Variants in CCNL2 observed in about 807,000 individuals in gnomAD.
CCNL2 encodes cyclin L2.
In CCNL2, 28 loss-of-function variants were observed where a neutral mutation model predicts 59.1. The observed-to-expected ratio is 0.47, with a 90% CI of 0.35 to 0.65. The LOEUF (loss-of-function observed/expected upper bound fraction) is 0.65, where lower values mean the gene tolerates loss of function less well. CCNL2 is among the 30% of genes least tolerant of loss of function. CCNL2 has a pLI of 0.00. For missense variants in CCNL2, 714 were observed against 717.4 expected, an observed-to-expected ratio of 1.00 and a Z score of 0.05; for synonymous variants, 342 against 288.6, an observed-to-expected ratio of 1.19 and a Z score of -1.88.
intron 5 of CCNL2, chr1:1,393,011 G>A (rs1465961193): frequency 1.6e-6 from 1 of 624,620 alleles, no homozygotes; most frequent in African/African-American, 1.8e-5. Context: ...ATCGGCCCCA[G>A]AACCTTCTCT....
chr1:1,396,192 A>G (rs1285218343), intron 3 of CCNL2, among the ~76,000 whole-genome samples: 5 of 104,444 alleles, frequency 4.8e-5, no homozygotes, highest in African/African-American at 2.4e-4. Flanking sequence ...CCGTCTCAGA[A>G]AAAAAAAAAA....
chr1:1,393,960 CT>C (rs1201754342), intron 4 of CCNL2, among the ~76,000 whole-genome samples: 2 of 152,048 alleles, frequency 1.3e-5, no homozygotes, highest in Admixed American at 1.3e-4. Flanking sequence ...AACCCAGTCT[CT>C]ACTAAAAATA....
chr1:1,387,368 G>A lies in CCNL2; in HGVS notation c.1426C>T (p.Arg476Trp), dbSNP rs369070554. The A allele has an allele frequency of 2.3e-5, 37 of 1,614,042 alleles. No individual in the cohort carries two copies. The highest frequency in any genetic ancestry group is 1.6e-4 in the Middle Eastern group (1 of 6,084). Residue 476 changes from arginine (R) to tryptophan (W), a missense_variant, in exon 11 of 11, where the codon CGG becomes TGG. By Grantham distance (101) the Arg-to-Trp change is moderately radical (BLOSUM62 -3). Around this residue, in one of 5 missense-constraint regions of CCNL2, gnomAD observed 403 missense variants for 377.7 expected, o/e 1.07. Transcript: ENST00000400809. ...TTGTATTTTCCCGGATTATCCGCCC[G>A]CTCCCGTGACCTGCTTCGAGAACGG... ...SSRSRSRSRE[R>W]ADNPGKYKKK...
chr1:1,393,694 G>A (rs1459041049), intron 4 of CCNL2, among the ~76,000 whole-genome samples: 3 of 152,230 alleles, frequency 2.0e-5, no homozygotes, highest in African/African-American at 4.8e-5. Context: ...CCACGGCACA[G>A]GCCTCGTTCT....
At chr1:1,397,854 C>G (rs1397154456) in intron 3 of CCNL2, among the ~76,000 whole-genome samples, 1 of 152,130 alleles carries the variant, frequency 6.6e-6, no homozygotes, top group Non-Finnish European at 1.5e-5. Context: ...AACAGGAAAC[C>G]TGTCTCAGGA....
Position 1,387,182 on chromosome 1 carries a change from G to A in CCNL2, c.*49C>T. On this transcript the variant is annotated 3_prime_UTR_variant, in exon 11 of 11. Transcript: ENST00000400809. ...ACCGGGGGTCAAAGGGCAGCCATCA[G>A]GTACTCCCCAGGGAAGGGCTTGCGG... 2.0e-6 allele frequency: 3 copies of A among 1,490,106 alleles called. No homozygotes were observed. The highest frequency in any genetic ancestry group is 1.4e-5 in the African/African-American group (1 of 72,898). 92.3% of individuals were successfully genotyped at this position (1,490,106 alleles called of 1,614,324 possible).
At chr1:1,393,596 G>A (rs1425534777) in intron 4 of CCNL2, 136 bp from the exon 5 acceptor site, 12 of 740,910 alleles carry the variant, frequency 1.6e-5, no homozygotes, top group African/African-American at 7.0e-5. Flanking sequence ...TCTGGCGGAC[G>A]GCTCAGCTGG....
intron 6 of CCNL2, 51 bp from the exon 7 acceptor site, chr1:1,390,614 G>C (rs1346249517): frequency 6.5e-7 from 1 of 1,529,680 alleles, no homozygotes; most frequent in East Asian, 2.3e-5. Flanking sequence ...TTCACGGCCA[G>C]CAAGACTCAG....
chr1:1,390,180 C>A, intron 8 of CCNL2, 50 bp downstream of exon 8: 2 of 1,539,840 alleles, frequency 1.3e-6, no homozygotes, highest in Non-Finnish European at 1.8e-6. Context: ...GGGAGAGTCA[C>A]CAGTCTTTGC....
At position 1,390,237 on chromosome 1, in the gene CCNL2, G is replaced by A; in HGVS notation, c.999C>T (p.Pro333=). 6.2e-7 allele frequency: 1 copy of A among 1,606,738 alleles called. No homozygotes were observed. ...GCACTCTAACAGACTCACCCAGCTT[G>A]GGGGCAGGAGAGAACCCCGAGGTAC... The part of the protein sequence containing the change: ...LDGTSGFSPA[P]KLVESPKEGK... The change falls in exon 8 of 11, where the codon CCC becomes CCT. Residue 333 remains proline, a synonymous_variant. Coordinates refer to ENST00000400809, the MANE Select transcript of CCNL2 (RefSeq NM_030937.6).
chr1:1,388,580 T>G (rs905518056), intron 8 of CCNL2: 3 of 412,070 alleles, frequency 7.3e-6, no homozygotes, highest in African/African-American at 4.6e-5. Context: ...TCTCTCTCTC[T>G]CTCTATATAT....
In CCNL2 at chr1:1,390,363, G is replaced by A; in HGVS notation, c.873C>T (p.Leu291=). 1 of 1,612,794 alleles carries A rather than the reference G, an allele frequency of 6.2e-7. No individual in the cohort carries two copies. The highest frequency in any genetic ancestry group is 8.5e-7 in the Non-Finnish European group (1 of 1,178,892). ...LQLYARKKVD[L]THLEGEVEKR... ...TTTCCACTTCACCCTCCAGGTGTGT[G>A]AGATCAACCTGCAAAAGCCAGAAGG... The change falls in exon 8 of 11, where the codon CTC becomes CTT. Residue 291 remains leucine, a synonymous_variant. Transcript: ENST00000400809.
At chr1:1,397,068 G>A (rs1450403041) in intron 3 of CCNL2, among the ~76,000 whole-genome samples, 1 of 152,032 alleles carries the variant, frequency 6.6e-6, no homozygotes, top group African/African-American at 2.4e-5. Context: ...TCTTAATAGG[G>A]ACAGGGTTTC....
chr1:1,397,466 A>AT (rs1341769671), intron 3 of CCNL2, among the ~76,000 whole-genome samples: 1 of 152,094 alleles, frequency 6.6e-6, no homozygotes, highest in Non-Finnish European at 1.5e-5. Context: ...GTATGAGAGA[A>AT]TTTCTGGCTG....
chr1:1,390,277 G>A lies in CCNL2; in HGVS notation c.959C>T (p.Thr320Ile), dbSNP rs372064998. Residue 320 changes from threonine (T) to isoleucine (I), a missense_variant, in exon 8 of 11, where the codon ACA (threonine) becomes ATA (isoleucine). This residue lies in a region of CCNL2 where 403 missense variants were observed against 377.7 expected (regional missense o/e 1.07). Transcript: ENST00000400809. The part of the protein sequence containing the change: ...AQARGLLPGG[T>I]QVLDGTSGFS... ...CCCCGAGGTACCATCCAGCACCTGT[G>A]TGCCCCCAGGCAACAGGCCCCGGGC... 8.2e-5 allele frequency: 133 copies of A among 1,613,754 alleles called. No homozygotes were observed. The highest frequency in any genetic ancestry group is 1.1e-4 in the Non-Finnish European group (126 of 1,179,812).
intron 5 of CCNL2, chr1:1,393,025 C>T (rs1644833426): frequency 1.6e-6 from 1 of 613,464 alleles, no homozygotes; most frequent in Admixed American, 2.8e-5. Context: ...CTTCTCTGCC[C>T]CTCTCCCATG....
At chr1:1,388,727 C>T (rs534414189) in intron 8 of CCNL2, 84 of 394,084 alleles carry the variant, frequency 2.1e-4, no homozygotes, top group African/African-American at 1.7e-3. Context: ...TCCCAGATAG[C>T]GCCACTGCAC....
intron 4 of CCNL2, among the ~76,000 whole-genome samples, chr1:1,394,357 T>G (rs1010516659): frequency 2.6e-5 from 4 of 152,122 alleles, no homozygotes; most frequent in African/African-American, 9.7e-5. Flanking sequence ...AGTCAGTACA[T>G]GCCGCAAAAC....
chr1:1,399,269 G>C lies in CCNL2; in HGVS notation c.38C>G (p.Ser13Trp). The C allele has an allele frequency of 1.3e-6, 2 of 1,565,010 alleles. No individual in the cohort carries two copies. Among genetic ancestry groups the C allele is most frequent in the Non-Finnish European group, 1.7e-6 (2 of 1,159,574 alleles). Reference sequence around the variant, plus strand: ...GCCGGCCGCTGCCGCGGGAGCTGCCGACCCTGCAGCACCAGCCGCCGCCGC... The same window carrying C: ...GCCGGCCGCTGCCGCGGGAGCTGCCCACCCTGCAGCACCAGCCGCCGCCGC... ...AAAAAAGAAG[S>W]AAPAAAAGAP... The change falls in exon 1 of 11, where the codon TCG becomes TGG. Residue 13 changes from serine (S) to tryptophan (W), a missense_variant. Ser to Trp is a radical substitution (Grantham distance 177, BLOSUM62 -3). Transcript: ENST00000400809.
Sources: gnomAD v4.1 joint callset for allele counts (sites outside exome capture counted in the v4.1 genomes callset) on GRCh38, gnomAD v4.1.1 for gene constraint, gnomAD v4.1.1 regional missense constraint, MANE v1.5 for transcripts, NCBI Gene and HGNC (gene_info 2026-07-23, HGNC 2026-07-21) for gene names.